ZBTB8A: variants seen among roughly 807,000 people sequenced by gnomAD.
ZBTB8A encodes zinc finger and BTB domain-containing protein 8A.
Under a neutral mutation model 37.8 loss-of-function variants are expected in ZBTB8A, and 19 were observed. The ratio of observed to expected loss-of-function variants is 0.50; its 90% CI spans 0.35 to 0.74. The LOEUF is 0.74. ZBTB8A is among the 30% of genes least tolerant of loss of function. The pLI is 0.01. For synonymous variants in ZBTB8A, 181 were observed against 185.2 expected (o/e 0.98, Z 0.19); for missense variants, 394 against 537.8 (o/e 0.73, Z 2.65).
chr1:32,578,568 TA>T (rs1557711509), intron 2 of ZBTB8A, among the ~76,000 whole-genome samples: 1 of 152,082 alleles, frequency 6.6e-6, no homozygotes, highest in Admixed American at 6.6e-5. Flanking sequence ...TGTTCATTTT[TA>T]AAAAAATCTT....
chr1:32,601,388 C>G lies in ZBTB8A; in HGVS notation c.*969C>G, dbSNP rs182673262. 6.4e-6 allele frequency: 2 copies of G among 313,944 alleles called. No homozygotes were observed. The highest frequency in any genetic ancestry group is 4.3e-5 in the African/African-American group (2 of 46,430). 19.4% of individuals were successfully genotyped at this position (313,944 alleles called of 1,614,324 possible). A position where few individuals can be genotyped will look rare whatever the true frequency, so the allele number is the denominator to read the frequency against. The stretch of plus-strand genomic sequence containing the variant: ...ACTCGGGAGGCTGAGGCAGGAGAAT[C>G]GATTGAACCTGGAAGGCAGAAGTTG... On this transcript the variant is annotated 3_prime_UTR_variant, in exon 5 of 5. Transcript: ENST00000373510.
chr1:32,566,056 G>T (rs545040187), intron 2 of ZBTB8A, among the ~76,000 whole-genome samples: 34 of 152,136 alleles, frequency 2.2e-4, no homozygotes, highest in Non-Finnish European at 4.0e-4. Flanking sequence ...AAAAAAATTA[G>T]CCAGGCGTGG....
intron 2 of ZBTB8A, among the ~76,000 whole-genome samples, chr1:32,559,537 C>T (rs998280571): frequency 3.9e-5 from 6 of 152,180 alleles, no homozygotes; most frequent in East Asian, 1.9e-4. Context: ...GATCACGGCT[C>T]GCTGCAGCCT....
At chr1:32,567,716 C>A (rs574904879) in intron 2 of ZBTB8A, among the ~76,000 whole-genome samples, 1 of 129,064 alleles carries the variant, frequency 7.7e-6, no homozygotes, top group African/African-American at 2.9e-5. Flanking sequence ...GGCGTGAACC[C>A]GGGAGGCGGA....
intron 2 of ZBTB8A, among the ~76,000 whole-genome samples, chr1:32,558,438 AACACAC>A (rs35047367): frequency 0.029 from 4,234 of 145,754 alleles, 54 homozygotes; most frequent in East Asian, 0.045. Flanking sequence ...CTAAGTATTA[AACACAC>A]ACACACACAC....
chr1:32,580,293 C>A (rs1017143908), intron 2 of ZBTB8A, among the ~76,000 whole-genome samples: 50 of 152,084 alleles, frequency 3.3e-4, no homozygotes, highest in African/African-American at 1.2e-3. Context: ...GTGGCTCATG[C>A]CTGTATATAA....
At chr1:32,560,883 C>T (rs1260626384) in intron 2 of ZBTB8A, among the ~76,000 whole-genome samples, 1 of 152,076 alleles carries the variant, frequency 6.6e-6, no homozygotes. Context: ...ACCTTGGCCT[C>T]CCAAAGTGCT....
intron 2 of ZBTB8A, among the ~76,000 whole-genome samples, chr1:32,566,797 G>A (rs1297722432): frequency 6.6e-6 from 1 of 152,116 alleles, no homozygotes; most frequent in Non-Finnish European, 1.5e-5. Flanking sequence ...CTTCACTCCT[G>A]GGTGAGGAAT....
At chr1:32,552,942 TATATTA>T (rs1644168966) in intron 1 of ZBTB8A, among the ~76,000 whole-genome samples, 1 of 148,680 alleles carries the variant, frequency 6.7e-6, no homozygotes, top group Non-Finnish European at 1.5e-5. Flanking sequence ...TTCTATATTA[TATATTA>T]ATATTAATTA....
chr1:32,584,524 T>TTTTTTTTTTTTG, intron 2 of ZBTB8A, among the ~76,000 whole-genome samples: 1 of 147,678 alleles, frequency 6.8e-6, no homozygotes, highest in African/African-American at 2.5e-5. Context: ...TTTTTTTTTT[T>TTTTTTTTTTTTG]TTTTTGAGAT....
chr1:32,597,160 A>T (rs191704780), intron 4 of ZBTB8A, among the ~76,000 whole-genome samples: 2 of 151,736 alleles, frequency 1.3e-5, no homozygotes, highest in East Asian at 3.9e-4. Context: ...GTGCCCACCT[A>T]GTTTTTGTAT....
intron 1 of ZBTB8A, among the ~76,000 whole-genome samples, chr1:32,550,775 G>A (rs1366233507): frequency 1.3e-5 from 2 of 152,014 alleles, no homozygotes; most frequent in Non-Finnish European, 2.9e-5. Context: ...TGGCCAATAT[G>A]GTGAAACCCC....
chr1:32,576,363 G>A (rs911723566), intron 2 of ZBTB8A, among the ~76,000 whole-genome samples: 5 of 152,074 alleles, frequency 3.3e-5, no homozygotes, highest in African/African-American at 4.8e-5. Flanking sequence ...TGTCCCCACC[G>A]TTTCTGGAAC....
chr1:32,548,212 G>C (rs1644122436), intron 1 of ZBTB8A, among the ~76,000 whole-genome samples: 1 of 151,750 alleles, frequency 6.6e-6, no homozygotes, highest in Non-Finnish European at 1.5e-5. Flanking sequence ...TTGGAGTCGA[G>C]GGTTGCTATT....
chr1:32,572,505 C>T (rs1002427414), intron 2 of ZBTB8A, among the ~76,000 whole-genome samples: 2 of 151,842 alleles, frequency 1.3e-5, no homozygotes, highest in Non-Finnish European at 2.9e-5. Flanking sequence ...AGGTGATTCT[C>T]ATGTCTCAGC....
chr1:32,546,901 G>A (rs1160858539), intron 1 of ZBTB8A, among the ~76,000 whole-genome samples: 1 of 152,042 alleles, frequency 6.6e-6, no homozygotes, highest in African/African-American at 2.4e-5. Context: ...TCTGGGGGAA[G>A]TTTTTTGTTT....
At chr1:32,562,121 GTTTT>G (rs770827959) in intron 2 of ZBTB8A, among the ~76,000 whole-genome samples, 1 of 129,908 alleles carries the variant, frequency 7.7e-6, no homozygotes. Flanking sequence ...ATTTTTGTTT[GTTTT>G]TTTTTTTTTT....
At chr1:32,541,670 T>C (rs1220656633) in intron 1 of ZBTB8A, among the ~76,000 whole-genome samples, 1 of 152,198 alleles carries the variant, frequency 6.6e-6, no homozygotes, top group Non-Finnish European at 1.5e-5. Flanking sequence ...GCTTCCAAGA[T>C]GGCACCGTGT....
intron 2 of ZBTB8A, among the ~76,000 whole-genome samples, chr1:32,553,803 T>C (rs1644176542): frequency 6.6e-6 from 1 of 150,926 alleles, no homozygotes; most frequent in Non-Finnish European, 1.5e-5. Flanking sequence ...GGAGAATTGC[T>C]TGAACCCGGG....
Sources: gnomAD v4.1 joint callset for allele counts (sites outside exome capture counted in the v4.1 genomes callset) on GRCh38, gnomAD v4.1.1 for gene constraint, MANE v1.5 for transcripts, NCBI Gene and HGNC (gene_info 2026-07-23, HGNC 2026-07-21) for gene names.